Variants in SHF observed in about 807,000 individuals in gnomAD.
SHF encodes the protein SH2 domain-containing adapter protein F.
A neutral mutation model predicts 42.4 loss-of-function variants in SHF; 30 were observed. The observed-to-expected ratio is 0.71, with a 90% CI of 0.53 to 0.96. SHF has a LOEUF of 0.96. Ranked by LOEUF, SHF falls within the 40% of genes least tolerant of loss-of-function variation. The probability of loss-of-function intolerance (pLI) is 0.00; values close to 1 mark genes in which losing one functional copy is unlikely to be tolerated. For missense variants in SHF, 598 were observed against 634.0 expected (o/e 0.94, Z 0.61); for synonymous variants, 264 against 269.9 (o/e 0.98, Z 0.21).
At chr15:45,191,024 C>A (rs1451532090), upstream of SHF, among the ~76,000 whole-genome samples, 3 of 152,030 alleles carry the variant, frequency 2.0e-5, no homozygotes, top group Non-Finnish European at 4.4e-5. Flanking sequence ...AGCAAGGGTC[C>A]TCTGAGAATT....
At chr15:45,189,367 G>A (rs1006254549), upstream of SHF, among the ~76,000 whole-genome samples, 4 of 127,004 alleles carry the variant, frequency 3.1e-5, no homozygotes, top group Non-Finnish European at 3.2e-5. Flanking sequence ...CAGTGTCTCC[G>A]CACTCCTAGG....
chr15:45,167,851 T>C lies in SHF; in HGVS notation c.*96A>G. ...CTACTGGATCCCAGGAGAAGAAAGG[T>C]TTGAAAGATCACGTCCCTGGCAAGA... On this transcript the variant is annotated 3_prime_UTR_variant, in exon 7 of 7. Coordinates refer to ENST00000690270, the MANE Select transcript of SHF (RefSeq NM_001394037.1). The C allele has an allele frequency of 7.4e-6, 9 of 1,209,354 alleles. No homozygotes were observed. The highest frequency in any genetic ancestry group is 8.8e-6 in the Non-Finnish European group (8 of 905,780). 74.9% of individuals were successfully genotyped at this position (1,209,354 alleles called of 1,614,324 possible).
Position 45,187,963 on chromosome 15 carries a change from G to A in SHF, c.-12C>T. The A allele has an allele frequency of 8.7e-7, 1 of 1,147,066 alleles. No homozygotes were observed. The highest frequency in any genetic ancestry group is 1.1e-6 in the Non-Finnish European group (1 of 934,040). The allele number at this position is 1,147,066 out of a possible 1,614,324, so 71.1% of individuals were successfully genotyped here. A position where few individuals can be genotyped will look rare whatever the true frequency, so the allele number is the denominator to read the frequency against. On this transcript the variant is annotated 5_prime_UTR_variant, in exon 1 of 7. Transcript: ENST00000690270. ...CCGCTCAGTAACATGGGGCCAGCCA[G>A]ACTGAGCGAGGGGAGCGCAGCGGCG...
At chr15:45,197,481 C>T (rs1225576990) in intron 2 of SHF, among the ~76,000 whole-genome samples, 2 of 152,122 alleles carry the variant, frequency 1.3e-5, no homozygotes, top group African/African-American at 4.8e-5. Flanking sequence ...AGTGGAGGGT[C>T]TCCAAATGGC....
At chr15:45,170,495 C>T (rs1380009720) in intron 6 of SHF, 4 of 1,239,292 alleles carry the variant, frequency 3.2e-6, no homozygotes, top group Admixed American at 2.5e-5. Flanking sequence ...GGAAAAAAAG[C>T]GATAATCTAT....
Position 45,173,680 on chromosome 15 carries a change from G to A in SHF, c.884C>T (p.Pro295Leu), listed in dbSNP as rs1380033574. 6.4e-7 allele frequency: 1 copy of A among 1,551,766 alleles called. No homozygotes were observed. Among genetic ancestry groups the A allele is most frequent in the South Asian group, 1.2e-5 (1 of 84,064 alleles). ...IKVIKDLPWP[P>L]PVGQLDSSPS... is the part of the protein sequence containing the mutation. ...GCTGCTGTCCAGCTGTCCCACAGGTGGAGGCCAAGGTAGGTCTTTGATGAC... is the reference window on the plus strand; with the variant it reads ...GCTGCTGTCCAGCTGTCCCACAGGTAGAGGCCAAGGTAGGTCTTTGATGAC... The change falls in exon 4 of 7, where the codon CCA becomes CTA. Residue 295 changes from proline to leucine, a missense_variant. Coordinates refer to ENST00000690270, the MANE Select transcript of SHF (RefSeq NM_001394037.1).
chr15:45,173,045 A>G (rs1186952435), intron 4 of SHF, among the ~76,000 whole-genome samples: 3 of 152,256 alleles, frequency 2.0e-5, no homozygotes, highest in African/African-American at 7.2e-5. Context: ...ATTCAGGCAC[A>G]AATGTACGAA....
chr15:45,172,021 A>T lies in SHF; in HGVS notation c.1161-19T>A. On this transcript the variant is annotated intron_variant, in intron 5 of 6. Transcript: ENST00000690270. Reference sequence around the variant, plus strand: ...ATACCAGCTAAGGATGAGAGAGAGGAAGGGGGGCATCTCTGCTGGGTCCCT... The same window carrying T: ...ATACCAGCTAAGGATGAGAGAGAGGTAGGGGGGCATCTCTGCTGGGTCCCT... 1 of 1,613,682 alleles carries T rather than the reference A, an allele frequency of 6.2e-7. No homozygotes were observed. Among genetic ancestry groups the T allele is most frequent in the Non-Finnish European group, 8.5e-7 (1 of 1,179,798 alleles).
chr15:45,171,805 T>A (rs909418184), intron 6 of SHF, 78 bp downstream of exon 6: 2 of 1,481,538 alleles, frequency 1.3e-6, no homozygotes, highest in East Asian at 4.7e-5. Context: ...CTCCCCAGCT[T>A]GGTTGGGCAT....
Position 45,178,198 on chromosome 15 carries a change from T to A in SHF, c.607A>T (p.Met203Leu). 6.2e-6 allele frequency: 10 copies of A among 1,613,604 alleles called. No individual in the cohort carries two copies. Among genetic ancestry groups the A allele is most frequent in the South Asian group, 1.1e-5 (1 of 91,060 alleles). Residue 203 changes from methionine to leucine, a missense_variant, in exon 2 of 7, where the codon ATG becomes TTG. Transcript: ENST00000690270. ...ATCTTTTGAGCCTCATAGGGCTCCA[T>A]GTAGCCATCATTTTCAGGGACCTTC... Reference protein sequence around the residue: ...PEKVPENDGYMEPYEAQKMMA... With the variant: ...PEKVPENDGYLEPYEAQKMMA...
chr15:45,200,744 T>C (rs1899064551), exon 1 of SHF: 2 of 456,222 alleles, frequency 4.4e-6, no homozygotes, highest in Admixed American at 2.3e-5. Flanking sequence ...CTCAAGGAAG[T>C]TGTATGGTGG....
chr15:45,194,631 C>T (rs1179520324), intron 2 of SHF, among the ~76,000 whole-genome samples: 1 of 151,968 alleles, frequency 6.6e-6, no homozygotes, highest in Non-Finnish European at 1.5e-5. Flanking sequence ...GGATTACAGG[C>T]GTGAGCCACT....
intron 1 of SHF, among the ~76,000 whole-genome samples, chr15:45,199,694 C>T (rs2141462464): frequency 6.6e-6 from 1 of 152,230 alleles, no homozygotes; most frequent in East Asian, 1.9e-4. Flanking sequence ...AGGCCAGAGC[C>T]TTTGGGCGTT....
intron 6 of SHF, chr15:45,170,384 A>G: frequency 7.8e-7 from 1 of 1,288,022 alleles, no homozygotes; most frequent in South Asian, 1.2e-5. Flanking sequence ...TTTTTAAAGC[A>G]ATACACATTT....
intron 2 of SHF, among the ~76,000 whole-genome samples, chr15:45,195,808 G>A (rs1175185422): frequency 6.6e-6 from 1 of 152,136 alleles, no homozygotes; most frequent in East Asian, 1.9e-4. Context: ...CCTGAACTCT[G>A]ATTCTTCCTA....
At chr15:45,200,318 A>T in intron 1 of SHF, 1 of 169,292 alleles carries the variant, frequency 5.9e-6, no homozygotes, top group East Asian at 1.5e-4. Context: ...TCACAAGGGA[A>T]TCGGGGTCCA....
chr15:45,192,606 C>T (rs928687658), upstream of SHF, among the ~76,000 whole-genome samples: 7 of 151,982 alleles, frequency 4.6e-5, no homozygotes, highest in Non-Finnish European at 8.8e-5. Flanking sequence ...CTCCTGACCT[C>T]GTGATCCACC....
chr15:45,172,175 C>G lies in SHF; in HGVS notation c.1132G>C (p.Asp378His). Residue 378 changes from aspartate to histidine, a missense_variant, in exon 5 of 7, where the codon GAT (aspartate) becomes CAT (histidine). By Grantham distance (81) the Asp-to-His change is moderately conservative. Around this residue, in one of 2 missense-constraint regions of SHF, gnomAD observed 439 missense variants for 524.6 expected, o/e 0.84. Transcript: ENST00000690270. ...TGGTTTTCCAGAGGCAGTGCTGGAT[C>G]TGTCCACTCCCCCAGGGGGCTGCTG... ...EPSSPLGEWT[D>H]PALPLENQVW... 6.2e-7 allele frequency: 1 copy of G among 1,613,964 alleles called. No individual in the cohort carries two copies.
Position 45,175,336 on chromosome 15 carries a change from C to A in SHF, c.730G>T (p.Gly244Cys). 6.2e-7 allele frequency: 1 copy of A among 1,603,008 alleles called. No individual in the cohort carries two copies. The highest frequency in any genetic ancestry group is 8.5e-7 in the Non-Finnish European group (1 of 1,174,724). ...EPEEDGATAE[G>C]EGAPWPRESR... is the part of the protein sequence containing the mutation. Reference sequence around the variant, plus strand: ...TCCCGGGGCCAGGGGGCCCCCTCACCTTCCGCGGTGGCCCCATCCTCCTCT... The same window carrying A: ...TCCCGGGGCCAGGGGGCCCCCTCACATTCCGCGGTGGCCCCATCCTCCTCT... The change falls in exon 3 of 7, where the codon GGT becomes TGT. Residue 244 changes from glycine to cysteine, a missense_variant. By Grantham distance (159) the Gly-to-Cys change is radical. Transcript: ENST00000690270.
Sources: gnomAD v4.1 joint callset for allele counts (sites outside exome capture counted in the v4.1 genomes callset) on GRCh38, gnomAD v4.1.1 for gene constraint, gnomAD v4.1.1 regional missense constraint, MANE v1.5 for transcripts, NCBI Gene and HGNC (gene_info 2026-07-23, HGNC 2026-07-21) for gene names.